CIAO2A: variants seen among roughly 807,000 people sequenced by gnomAD.
CIAO2A encodes cytosolic iron-sulfur assembly component 2A, also known as MIP18 family protein FAM96A.
A neutral mutation model predicts 22.4 loss-of-function variants in CIAO2A; 17 were observed. The ratio of observed to expected loss-of-function variants is 0.76; its 90% CI spans 0.52 to 1.14. The LOEUF is 1.14. Among genes scored for constraint, CIAO2A ranks in the 50% most tolerant of loss-of-function variants. CIAO2A has a pLI of 0.00. For synonymous variants in CIAO2A, 74 were observed against 72.3 expected, an observed-to-expected ratio of 1.02 and a Z score of -0.12; for missense variants, 192 against 191.4, an observed-to-expected ratio of 1.00 and a Z score of -0.02.
At chr15:64,073,364 T>A (rs901796427) in intron 4 of CIAO2A, among the ~76,000 whole-genome samples, 1 of 152,178 alleles carries the variant, frequency 6.6e-6, no homozygotes, top group Non-Finnish European at 1.5e-5. Context: ...TTATTTAACA[T>A]GGTAAAAGTC....
intron 1 of CIAO2A, among the ~76,000 whole-genome samples, chr15:64,089,901 G>T (rs925811921): frequency 6.6e-6 from 1 of 152,154 alleles, no homozygotes; most frequent in Non-Finnish European, 1.5e-5. Flanking sequence ...GGTGCTTAAG[G>T]GGTTATCCAA....
chr15:64,092,057 C>T (rs192471324), intron 1 of CIAO2A, among the ~76,000 whole-genome samples: 256 of 122,344 alleles, frequency 2.1e-3, no homozygotes, highest in African/African-American at 8.3e-3. Flanking sequence ...GAGTGAGACC[C>T]TGTCTCAAAA....
At chr15:64,084,364 C>T (rs1260253585) in intron 2 of CIAO2A, among the ~76,000 whole-genome samples, 1 of 152,086 alleles carries the variant, frequency 6.6e-6, no homozygotes, top group East Asian at 1.9e-4. Context: ...GTATAAACTT[C>T]CAGATAGGGA....
chr15:64,073,431 T>G (rs1369361551), intron 4 of CIAO2A, among the ~76,000 whole-genome samples: 4 of 152,228 alleles, frequency 2.6e-5, no homozygotes, highest in African/African-American at 7.2e-5. Context: ...TTTAAACATA[T>G]AGCCTTCTTT....
chr15:64,090,363 C>CA (rs1316823031), intron 1 of CIAO2A: 1 of 153,662 alleles, frequency 6.5e-6, no homozygotes, highest in Non-Finnish European at 1.5e-5. Context: ...AACAAACAAA[C>CA]AAAAAAACCT....
At chr15:64,076,723 CTTTT>C (rs556233822) in intron 3 of CIAO2A, among the ~76,000 whole-genome samples, 7 of 115,160 alleles carry the variant, frequency 6.1e-5, no homozygotes, top group Admixed American at 1.8e-4. Context: ...CTAGTCCAAT[CTTTT>C]TTTTTTTTTT....
At chr15:64,075,780 G>C (rs1234950812) in intron 3 of CIAO2A, among the ~76,000 whole-genome samples, 1 of 151,482 alleles carries the variant, frequency 6.6e-6, no homozygotes, top group African/African-American at 2.4e-5. Context: ...CCTCCCAATA[G>C]CTGGAATTAC....
At position 64,083,670 on chromosome 15, in the gene CIAO2A, T is replaced by C. The variant is rs539946953; in HGVS notation, c.290-2519A>G. Among the ~76,000 whole-genome samples the C allele has an allele frequency of 1.5e-4, 23 of 152,218 alleles. No individual in the cohort carries two copies. In the East Asian group the frequency reaches 4.2e-3, roughly 28 times the overall value. The stretch of plus-strand genomic sequence containing the variant: ...CTCTAAAAAACCAATAGGCCGGGTG[T>C]GGCAGCTCACACTTGTAATCCCAGC... On this transcript the variant is annotated intron_variant, in intron 2 of 4. Transcript: ENST00000300030.
chr15:64,088,808 T>C lies in CIAO2A; in HGVS notation c.168A>G (p.Leu56=), dbSNP rs1567308561. The C allele has an allele frequency of 1.2e-6, 2 of 1,614,068 alleles. No homozygotes were observed. Among genetic ancestry groups the C allele is most frequent in the South Asian group, 2.2e-5 (2 of 91,054 alleles). The part of the protein sequence containing the change: ...TIRDPEKPNT[L]EELEVVSESC... ...TTTCCGAGACCACTTCCAGTTCTTC[T>C]AAAGTATTGGGCTTTTCTGGGTCCC... is the stretch of plus-strand genomic sequence containing the variant. Residue 56 remains leucine, a synonymous_variant, in exon 2 of 5, where the codon TTA becomes TTG. Transcript: ENST00000300030.
At chr15:64,081,273 A>C in intron 2 of CIAO2A, 122 bp from the exon 3 acceptor site, 1 of 779,668 alleles carries the variant, frequency 1.3e-6, no homozygotes, top group East Asian at 2.7e-5. Flanking sequence ...GCTTTGGCTC[A>C]ATCCAGAGCA....
At chr15:64,075,347 C>T (rs2080709083) in intron 4 of CIAO2A, 145 bp downstream of exon 4, 1 of 556,420 alleles carries the variant, frequency 1.8e-6, no homozygotes, top group South Asian at 2.6e-5. Context: ...GCCTAGGTTT[C>T]CTCACCTAGG....
At chr15:64,092,233 A>C (rs60599) in intron 1 of CIAO2A, among the ~76,000 whole-genome samples, 140,696 of 152,206 alleles carry the variant, frequency 0.92, 65,968 homozygotes, top group East Asian at 1. Flanking sequence ...ACATCTTCAC[A>C]TTTAACCACA....
chr15:64,087,342 C>T (rs1417886907), intron 2 of CIAO2A, among the ~76,000 whole-genome samples: 10 of 151,972 alleles, frequency 6.6e-5, no homozygotes, highest in African/African-American at 1.9e-4. Context: ...CTGCCCGCCT[C>T]GGCCACCTAA....
In CIAO2A at chr15:64,093,746, A is replaced by G. The variant is rs763370623; in HGVS notation, c.23T>C (p.Leu8Pro). The G allele has an allele frequency of 4.3e-6, 7 of 1,611,920 alleles. No individual in the cohort carries two copies. The highest frequency in any genetic ancestry group is 5.9e-6 in the Non-Finnish European group (7 of 1,178,340). MQRVSGL[L>P]SWTLSRVLWL... ...CAGGACTCTGCTCAGCGTCCAGGAG[A>G]GCAGCCCGGACACCCGCTGCATCTT... Residue 8 changes from leucine (L) to proline (P), a missense_variant, in exon 1 of 5, where the codon CTC becomes CCC. Coordinates refer to ENST00000300030, the MANE Select transcript of CIAO2A (RefSeq NM_032231.7).
At chr15:64,078,248 C>T (rs1001406648) in intron 3 of CIAO2A, among the ~76,000 whole-genome samples, 1 of 152,052 alleles carries the variant, frequency 6.6e-6, no homozygotes, top group African/African-American at 2.4e-5. Flanking sequence ...TTAATTTACT[C>T]AATTTAAGAC....
Position 64,087,084 on chromosome 15 carries a change from CTTTTT to C in CIAO2A, c.289+1598_289+1602del, listed in dbSNP as rs766247330. Among the ~76,000 whole-genome samples, 5 of 76,078 alleles carry C rather than the reference CTTTTT, an allele frequency of 6.6e-5. No individual in the cohort carries two copies. In the East Asian group the frequency reaches 2.3e-3, roughly 35 times the overall value. 49.9% of individuals were successfully genotyped at this position (76,078 alleles called of 152,430 possible). Reference sequence around the variant, plus strand: ...GTGCCACCATGCCTTGCTAATTTTGCTTTTTTTTTTTTTTTTTTTTTTGGGAGATA... The same window carrying C: ...GTGCCACCATGCCTTGCTAATTTTGCTTTTTTTTTTTTTTTTTGGGAGATA... On this transcript the variant is annotated intron_variant, in intron 2 of 4. Transcript: ENST00000300030.
chr15:64,090,619 G>A (rs772088761), intron 1 of CIAO2A, among the ~76,000 whole-genome samples: 3 of 152,190 alleles, frequency 2.0e-5, no homozygotes, highest in Non-Finnish European at 4.4e-5. Flanking sequence ...GAAAAATTCA[G>A]GCTCATGAGA....
intron 1 of CIAO2A, among the ~76,000 whole-genome samples, chr15:64,091,903 T>A (rs1430460442): frequency 6.6e-6 from 1 of 151,196 alleles, no homozygotes; most frequent in Non-Finnish European, 1.5e-5. Flanking sequence ...TACAAAAAAA[T>A]ACAAAAATTA....
intron 4 of CIAO2A, chr15:64,074,831 T>G (rs933651947): frequency 2.0e-5 from 3 of 152,234 alleles, no homozygotes; most frequent in Non-Finnish European, 4.4e-5. Flanking sequence ...TCTGCTATTT[T>G]TTCCCACCTT....
Sources: allele counts gnomAD v4.1 joint callset (sites outside exome capture counted in the v4.1 genomes callset), GRCh38; gene constraint gnomAD v4.1.1; transcripts MANE v1.5; gene names NCBI Gene and HGNC (gene_info 2026-07-23, HGNC 2026-07-21).